The following PNPLA1 variants were observed in gnomAD, a reference collection of about 807,000 sequenced individuals.
PNPLA1 encodes patatin like domain 1, omega-hydroxyceramide transacylase.
PNPLA1 carries 36 observed loss-of-function variants against 51.7 expected under a neutral mutation model. The ratio of observed to expected loss-of-function variants is 0.70; its 90% CI spans 0.53 to 0.92. The LOEUF is 0.92. Ranked by LOEUF, PNPLA1 falls within the 40% of genes least tolerant of loss-of-function variation. The pLI, the probability that PNPLA1 is intolerant of heterozygous loss-of-function variation, is 0.00. For missense variants in PNPLA1, 658 were observed against 682.5 expected (o/e 0.96, Z 0.40); for synonymous variants, 293 against 280.1 (o/e 1.05, Z -0.46).
chr6:36,287,486 A>T (rs1770531502), intron 1 of PNPLA1, among the ~76,000 whole-genome samples: 1 of 151,922 alleles, frequency 6.6e-6, no homozygotes, highest in East Asian at 1.9e-4. Context: ...TTAGTGTGGG[A>T]CTCTGTGTCT....
Position 36,263,689 on chromosome 6 carries a change from G to C in PNPLA1, c.-81+20428G>C, listed in dbSNP as rs566454060. ...GTGAATTTTTGATGTTCTGGCATTT[G>C]TGGCCTCACTGATGGGGGCAAGGCT... On this transcript the variant is annotated intron_variant, in intron 1 of 7. Coordinates refer to the PNPLA1 transcript ENST00000312917. Among the ~76,000 whole-genome samples, 5 of 151,848 alleles carry C rather than the reference G, an allele frequency of 3.3e-5. No homozygotes were observed. The East Asian group carries it at 9.7e-4, about 29-fold the overall frequency.
intron 1 of PNPLA1, among the ~76,000 whole-genome samples, chr6:36,284,921 G>C (rs1007196618): frequency 1.3e-5 from 2 of 152,152 alleles, no homozygotes; most frequent in African/African-American, 4.8e-5. Context: ...TGACACTGTA[G>C]CTTCAAGCCA....
intron 1 of PNPLA1, among the ~76,000 whole-genome samples, chr6:36,286,041 GA>G (rs1770477986): frequency 6.6e-6 from 1 of 152,248 alleles, no homozygotes; most frequent in Admixed American, 6.5e-5. Flanking sequence ...AGCAGTCTGA[GA>G]GTCTGAATCA....
chr6:36,273,552 G>A (rs975857486), intron 1 of PNPLA1, among the ~76,000 whole-genome samples: 8 of 151,370 alleles, frequency 5.3e-5, no homozygotes, highest in African/African-American at 9.7e-5. Context: ...GGGCGCCTGC[G>A]TTGCTCATCT....
At position 36,301,959 on chromosome 6, in the gene PNPLA1, C is replaced by A; in HGVS notation, c.874C>A (p.Arg292Ser). The change falls in exon 6 of 9, where the codon CGC becomes AGC. Residue 292 changes from arginine to serine, a missense_variant. Physicochemically the swap from Arg to Ser is moderately radical, Grantham distance 110. Transcript: ENST00000636260. ...ELALGNECPE[R>S]SQPSLRARQA... The stretch of plus-strand genomic sequence containing the variant: ...CGCCCTTGGCAATGAGTGCCCTGAA[C>A]GCAGTCAACCAAGCCTTCGAGCACG... 1 of 1,614,206 alleles carries A rather than the reference C, an allele frequency of 6.2e-7. No individual in the cohort carries two copies. Among genetic ancestry groups the A allele is most frequent in the South Asian group, 1.1e-5 (1 of 91,088 alleles).
chr6:36,245,220 T>C (rs1440051454), intron 1 of PNPLA1, among the ~76,000 whole-genome samples: 14 of 152,226 alleles, frequency 9.2e-5, no homozygotes, highest in Admixed American at 9.2e-4. Flanking sequence ...AATGGTGGTC[T>C]GAGTTCAGTC....
At chr6:36,306,045 G>C (rs1428072983) in intron 6 of PNPLA1, among the ~76,000 whole-genome samples, 2 of 152,122 alleles carry the variant, frequency 1.3e-5, no homozygotes, top group Non-Finnish European at 2.9e-5. Flanking sequence ...ATGAGCCACC[G>C]GGCCTGCCCC....
At chr6:36,298,065 A>G (rs1379156581) in intron 5 of PNPLA1, among the ~76,000 whole-genome samples, 1 of 152,198 alleles carries the variant, frequency 6.6e-6, no homozygotes, top group Non-Finnish European at 1.5e-5. Flanking sequence ...TTTTTTAAAA[A>G]TCTGAATTCT....
intron 5 of PNPLA1, among the ~76,000 whole-genome samples, chr6:36,298,087 T>C (rs1341969225): frequency 6.6e-6 from 1 of 152,218 alleles, no homozygotes; most frequent in East Asian, 1.9e-4. Context: ...TCACTCTGCA[T>C]AATTATTCTG....
chr6:36,280,882 T>C (rs1770258074), intron 1 of PNPLA1, among the ~76,000 whole-genome samples: 1 of 152,242 alleles, frequency 6.6e-6, no homozygotes, highest in South Asian at 2.1e-4. Context: ...CTTGAATTCC[T>C]GGGCTCAAGT....
chr6:36,246,247 C>T (rs1769279184), intron 1 of PNPLA1, among the ~76,000 whole-genome samples: 1 of 152,052 alleles, frequency 6.6e-6, no homozygotes, highest in African/African-American at 2.4e-5. Context: ...CTCTGTCACC[C>T]AGGCTGGAGT....
At chr6:36,250,077 C>T (rs757864306) in intron 1 of PNPLA1, among the ~76,000 whole-genome samples, 1 of 152,180 alleles carries the variant, frequency 6.6e-6, no homozygotes, top group Non-Finnish European at 1.5e-5. Flanking sequence ...GTTGGCTACC[C>T]AAACCATTCC....
In PNPLA1 at chr6:36,302,241, G is replaced by A. The variant is rs773754499; in HGVS notation, c.1156G>A (p.Gly386Ser). Residue 386 changes from glycine to serine, a missense_variant, in exon 6 of 9, where the codon GGT becomes AGT. Transcript: ENST00000636260. ...GCACAAGCCACCCAGCTCCACACCT[G>A]GTTCATCACTGCCCACCCCACCACC... ...AVHKPPSSTPGSSLPTPPPGL... is the reference protein window; with the variant it reads ...AVHKPPSSTPSSSLPTPPPGL... 8.7e-6 allele frequency: 14 copies of A among 1,614,000 alleles called. No individual in the cohort carries two copies. The highest frequency in any genetic ancestry group is 1.1e-5 in the Non-Finnish European group (13 of 1,180,036).
At position 36,284,825 on chromosome 6, in the gene PNPLA1, G is replaced by A. The variant is rs527653162; in HGVS notation, c.206-6495G>A. ...CACATTTTTAGCTGTTTTATATATTGGGTTTCTACTTAAGATTTCTTTCGA... is the reference window on the plus strand; with the variant it reads ...CACATTTTTAGCTGTTTTATATATTAGGTTTCTACTTAAGATTTCTTTCGA... On this transcript the variant is annotated intron_variant, in intron 1 of 8. Transcript: ENST00000636260. Among the ~76,000 whole-genome samples the A allele has an allele frequency of 1.1e-4, 16 of 152,136 alleles. No homozygotes were observed. The East Asian group carries it at 3.1e-3, about 29-fold the overall frequency.
rs1486329433 is a variant in PNPLA1, at chr6:36,294,547, CT to C, written c.714+150del. 4.2e-5 allele frequency: 30 copies of C among 710,156 alleles called. No homozygotes were observed. Among genetic ancestry groups the C allele is most frequent in the Non-Finnish European group, 7.0e-5 (30 of 431,440 alleles). The allele number at this position is 710,156 out of a possible 1,614,324, so 44.0% of individuals were successfully genotyped here. A position where few individuals can be genotyped will look rare whatever the true frequency, so the allele number is the denominator to read the frequency against. Reference sequence around the variant, plus strand: ...CTTCCTCCTAGACCTGCATCCTGGCCTTGCTGCTAACTAGCTATGTGACCTT... The same window carrying C: ...CTTCCTCCTAGACCTGCATCCTGGCCTGCTGCTAACTAGCTATGTGACCTT... On this transcript the variant is annotated intron_variant, in intron 4 of 8. Transcript: ENST00000636260. This position sits in a 1 kb window ranked among gnomAD's most constrained non-coding sequence, Gnocchi z 4.2.
intron 1 of PNPLA1, among the ~76,000 whole-genome samples, chr6:36,288,443 A>ATTTTTTTTTT (rs34132369): frequency 7.9e-6 from 1 of 125,800 alleles, no homozygotes; most frequent in East Asian, 2.4e-4. Context: ...AGGAGACCCT[A>ATTTTTTTTTT]TTTTTTTTTT....
chr6:36,306,055 CT>C (rs1296309710), intron 6 of PNPLA1, among the ~76,000 whole-genome samples: 1 of 152,232 alleles, frequency 6.6e-6, no homozygotes, highest in East Asian at 1.9e-4. Flanking sequence ...GGGCCTGCCC[CT>C]GGGAGTTGTT....
chr6:36,248,524 A>G (rs1228418430), intron 1 of PNPLA1, among the ~76,000 whole-genome samples: 1 of 141,910 alleles, frequency 7.0e-6, no homozygotes, highest in African/African-American at 2.6e-5. Flanking sequence ...ATAACTTCTC[A>G]TTTTTTTTTT....
chr6:36,296,339 G>C (rs1306074100), intron 5 of PNPLA1, among the ~76,000 whole-genome samples: 1 of 152,124 alleles, frequency 6.6e-6, no homozygotes, highest in African/African-American at 2.4e-5. Flanking sequence ...TCAGAAAAAG[G>C]GATCACCAGG....
Sources: allele counts gnomAD v4.1 joint callset (sites outside exome capture counted in the v4.1 genomes callset), GRCh38; gene constraint gnomAD v4.1.1; non-coding constraint Gnocchi (gnomAD v3.1); transcripts MANE v1.5; gene names NCBI Gene and HGNC (gene_info 2026-07-23, HGNC 2026-07-21).